FRYL: variants seen among roughly 807,000 people sequenced by gnomAD.
The protein encoded by FRYL is protein furry homolog-like.
In FRYL, 150 loss-of-function variants were observed where a neutral mutation model predicts 351.2. The observed-to-expected ratio is 0.43, with a 90% CI of 0.37 to 0.49. The LOEUF is 0.49. Ranked by LOEUF, FRYL falls within the 20% of genes least tolerant of loss-of-function variation. The probability of loss-of-function intolerance (pLI) is 0.00; values close to 1 mark genes in which losing one functional copy is unlikely to be tolerated. For missense variants in FRYL, 3,036 were observed against 3,619.3 expected (o/e 0.84, Z 4.13); for synonymous variants, 1,153 against 1,257.1 (o/e 0.92, Z 1.75).
chr4:48,501,814 T>A, intron 61 of FRYL, 81 bp from the exon 62 acceptor site: 1 of 883,418 alleles, frequency 1.1e-6, no homozygotes. Flanking sequence ...TAGTTAAAAT[T>A]GTCTTGTCGT....
intron 11 of FRYL, among the ~76,000 whole-genome samples, chr4:48,605,331 C>CA (rs1746551603): frequency 6.6e-6 from 1 of 152,132 alleles, no homozygotes; most frequent in Non-Finnish European, 1.5e-5. Flanking sequence ...TACTACAAAC[C>CA]AATTCATATA....
At position 48,508,526 on chromosome 4, in the gene FRYL, C is replaced by T. The variant is rs189830836; in HGVS notation, c.8394+1533G>A. 1.1e-3 allele frequency among the ~76,000 whole-genome samples: 168 copies of T among 152,234 alleles called. 1 individual carries two copies. Among genetic ancestry groups the T allele is most frequent in the African/African-American group, 3.9e-3 (163 of 41,538 alleles). On this transcript the variant is annotated intron_variant, in intron 59 of 63. Transcript: ENST00000358350. Reference sequence around the variant, plus strand: ...TTCCTATTATAAATGGTATCTATTGCTTTAAAACCAACCACCCTAAAACTT... The same window carrying T: ...TTCCTATTATAAATGGTATCTATTGTTTTAAAACCAACCACCCTAAAACTT...
intron 2 of FRYL, among the ~76,000 whole-genome samples, chr4:48,697,012 A>C (rs1049574443): frequency 6.6e-5 from 10 of 152,074 alleles, no homozygotes; most frequent in African/African-American, 2.4e-4. Flanking sequence ...GTCAATTACA[A>C]GGTTTTTTCC....
At chr4:48,583,897 A>G (rs1741488099) in intron 19 of FRYL, among the ~76,000 whole-genome samples, 1 of 151,406 alleles carries the variant, frequency 6.6e-6, no homozygotes, top group Non-Finnish European at 1.5e-5. Context: ...AGAGCAAGAC[A>G]TCATCTCAAA....
chr4:48,538,294 C>G (rs925666230), intron 47 of FRYL, among the ~76,000 whole-genome samples: 1 of 152,012 alleles, frequency 6.6e-6, no homozygotes, highest in Non-Finnish European at 1.5e-5. Flanking sequence ...AAAATAATGG[C>G]TCTTTTAAAA....
At chr4:48,715,865 C>T (rs1167662937) in intron 1 of FRYL, among the ~76,000 whole-genome samples, 1 of 152,206 alleles carries the variant, frequency 6.6e-6, no homozygotes, top group Non-Finnish European at 1.5e-5. Flanking sequence ...TACTTCCTGA[C>T]TTCAAACTAT....
At chr4:48,698,705 A>AT (rs1766436971) in intron 2 of FRYL, among the ~76,000 whole-genome samples, 1 of 152,250 alleles carries the variant, frequency 6.6e-6, no homozygotes, top group Non-Finnish European at 1.5e-5. Context: ...ATGGATGACC[A>AT]TATAGAACAT....
Position 48,586,644 on chromosome 4 carries a change from A to G in FRYL, c.1725T>C (p.Thr575=), listed in dbSNP as rs758052819. Residue 575 remains threonine (T), a synonymous_variant, in exon 19 of 64, where the codon ACT becomes ACC. Transcript: ENST00000358350. ...ACCTTGCTAACAATTCAATCAGGTC[A>G]GTTCTGCTCATACCGTCAGGAATCA... The part of the protein sequence containing the change: ...PRLIPDGMSR[T]DLIELLARLT... 1.1e-5 allele frequency: 17 copies of G among 1,610,950 alleles called. No homozygotes were observed. The African/African-American group carries it at 2.3e-4, about 22-fold the overall frequency.
intron 45 of FRYL, among the ~76,000 whole-genome samples, chr4:48,541,685 G>A (rs1201977597): frequency 6.6e-6 from 1 of 152,156 alleles, no homozygotes; most frequent in Non-Finnish European, 1.5e-5. Flanking sequence ...GGGGAGAGAG[G>A]CTGCTGCAGG....
intron 58 of FRYL, among the ~76,000 whole-genome samples, 182 bp downstream of exon 58, chr4:48,510,653 T>C (rs1322190091): frequency 6.6e-6 from 1 of 152,174 alleles, no homozygotes; most frequent in African/African-American, 2.4e-5. Flanking sequence ...GGAGTCAGAA[T>C]CAGAAATAGT....
chr4:48,774,734 G>C (rs1411660585), intron 1 of FRYL, among the ~76,000 whole-genome samples: 25 of 152,020 alleles, frequency 1.6e-4, no homozygotes, highest in Admixed American at 1.5e-3. Flanking sequence ...TTTAAGTAGA[G>C]ACAGGGTTTC....
intron 25 of FRYL, chr4:48,574,472 G>C (rs552370460): frequency 6.6e-6 from 1 of 151,996 alleles, no homozygotes; most frequent in African/African-American, 2.4e-5. Flanking sequence ...CCTCTCTATG[G>C]AAATCTTTAG....
Position 48,498,601 on chromosome 4 carries a change from T to C in FRYL, c.*821A>G, listed in dbSNP as rs545118774. 6.5e-6 allele frequency: 1 copy of C among 152,770 alleles called. No homozygotes were observed. Among genetic ancestry groups the C allele is most frequent in the East Asian group, 1.9e-4 (1 of 5,194 alleles). The allele number at this position is 152,770 out of a possible 1,614,324, so 9.5% of individuals were successfully genotyped here. On this transcript the variant is annotated 3_prime_UTR_variant, in exon 64 of 64. Transcript: ENST00000358350. ...ATCAGAGAACTGAGCAGCATTCCAATAACGTTAACAGATATATTATTTCTT... is the reference window on the plus strand; with the variant it reads ...ATCAGAGAACTGAGCAGCATTCCAACAACGTTAACAGATATATTATTTCTT...
intron 13 of FRYL, chr4:48,598,679 C>G (rs1225748238): frequency 5.9e-6 from 1 of 169,368 alleles, no homozygotes; most frequent in African/African-American, 2.4e-5. Flanking sequence ...AAGAATGTTT[C>G]TGCTGTGTGC....
intron 1 of FRYL, among the ~76,000 whole-genome samples, chr4:48,759,379 G>A (rs1774170705): frequency 6.6e-6 from 1 of 152,138 alleles, no homozygotes; most frequent in Non-Finnish European, 1.5e-5. Flanking sequence ...TGTTTATTTA[G>A]CTACCAATAT....
At position 48,525,791 on chromosome 4, in the gene FRYL, G is replaced by A. The variant is rs140015329; in HGVS notation, c.7317+1686C>T. Among the ~76,000 whole-genome samples the A allele has an allele frequency of 5.3e-5, 8 of 151,564 alleles. No individual in the cohort carries two copies. The East Asian group carries it at 1.4e-3, about 26-fold the overall frequency. ...ATCTGTATGAGTTGTATATGTATAC[G>A]AGAGCTGATGAATGTGTATGAGCTG... On this transcript the variant is annotated intron_variant, in intron 53 of 63. Transcript: ENST00000358350.
intron 2 of FRYL, among the ~76,000 whole-genome samples, chr4:48,697,509 GGGATGGAGTCTCACTCTGT>G (rs1001543083): frequency 2.6e-5 from 4 of 151,768 alleles, no homozygotes; most frequent in African/African-American, 7.3e-5. Flanking sequence ...TTTATTTTTT[GGGATGGAGTCTCACTCTGT>G]CCCCCAGGCT....
chr4:48,649,076 TAC>T (rs939179709), intron 3 of FRYL, among the ~76,000 whole-genome samples: 18 of 152,206 alleles, frequency 1.2e-4, no homozygotes, highest in Admixed American at 9.8e-4. Flanking sequence ...AATGTGAGTA[TAC>T]ACAGATACGT....
At chr4:48,595,090 G>A (rs1257348173) in intron 15 of FRYL, among the ~76,000 whole-genome samples, 1 of 152,220 alleles carries the variant, frequency 6.6e-6, no homozygotes, top group Non-Finnish European at 1.5e-5. Context: ...AGCAGATGCA[G>A]CATGATTCTG....
Sources: gnomAD v4.1 joint callset for allele counts (sites outside exome capture counted in the v4.1 genomes callset) on GRCh38, gnomAD v4.1.1 for gene constraint, MANE v1.5 for transcripts, NCBI Gene and HGNC (gene_info 2026-07-23, HGNC 2026-07-21) for gene names.